FAT3: variants seen among roughly 807,000 people sequenced by gnomAD.
The protein encoded by FAT3 is FAT atypical cadherin 3.
A neutral mutation model predicts 310.2 loss-of-function variants in FAT3; 95 were observed. That is an observed-to-expected ratio of 0.31 (90% CI 0.26 to 0.36). FAT3 has a LOEUF of 0.36. Among genes scored for constraint, FAT3 ranks in the 10% least tolerant of loss-of-function variants. FAT3 has a pLI of 1.00. For missense variants in FAT3, 5,408 were observed against 5,715.6 expected, an observed-to-expected ratio of 0.95 and a Z score of 1.74; for synonymous variants, 2,314 against 2,192.9, an observed-to-expected ratio of 1.06 and a Z score of -1.54.
intron 2 of FAT3, among the ~76,000 whole-genome samples, chr11:92,405,730 G>A (rs1950123068): frequency 6.6e-6 from 1 of 152,116 alleles, no homozygotes; most frequent in African/African-American, 2.4e-5. Flanking sequence ...TAGCCTGGGT[G>A]ACAGAAGCAA....
chr11:92,781,046 A>G (rs934843906), intron 7 of FAT3, among the ~76,000 whole-genome samples: 1 of 132,482 alleles, frequency 7.5e-6, no homozygotes, highest in Non-Finnish European at 1.7e-5. Context: ...TATTTAAGTA[A>G]TAAGGTTCTT....
At chr11:92,636,754 G>A (rs1340304880) in intron 3 of FAT3, among the ~76,000 whole-genome samples, 6 of 152,326 alleles carry the variant, frequency 3.9e-5, no homozygotes, top group African/African-American at 1.4e-4. Flanking sequence ...GAGTAGTGTA[G>A]ACTATATTGC....
At chr11:92,323,377 T>G (rs1947677564) in intron 1 of FAT3, among the ~76,000 whole-genome samples, 1 of 152,074 alleles carries the variant, frequency 6.6e-6, no homozygotes, top group Admixed American at 6.6e-5. Flanking sequence ...GACTCCCAAG[T>G]AACTGGGACA....
intron 3 of FAT3, among the ~76,000 whole-genome samples, chr11:92,680,050 G>A (rs1003308679): frequency 6.6e-6 from 1 of 151,226 alleles, no homozygotes; most frequent in Non-Finnish European, 1.5e-5. Flanking sequence ...CATTCAACAA[G>A]TTGTCCATTC....
intron 3 of FAT3, among the ~76,000 whole-genome samples, chr11:92,568,479 T>C (rs543017836): frequency 6.6e-6 from 1 of 152,240 alleles, no homozygotes; most frequent in East Asian, 1.9e-4. Flanking sequence ...TCACGGGGAT[T>C]GATGCTAGCA....
chr11:92,840,574 G>T lies in FAT3; in HGVS notation c.10381G>T (p.Val3461Leu). 6.3e-7 allele frequency: 1 copy of T among 1,590,028 alleles called. No homozygotes were observed. Among genetic ancestry groups the T allele is most frequent in the Non-Finnish European group, 8.6e-7 (1 of 1,160,848 alleles). ...YTAVIQENKP[V>L]GTSILQLVVT... Reference sequence around the variant, plus strand: ...CTCTTTTATGCAGGAAAATAAGCCAGTGGGCACCAGCATCTTGCAGCTGGT... The same window carrying T: ...CTCTTTTATGCAGGAAAATAAGCCATTGGGCACCAGCATCTTGCAGCTGGT... The change falls in exon 18 of 28, where the codon GTG (valine) becomes TTG (leucine). Residue 3461 changes from valine to leucine, a missense_variant. Transcript: ENST00000525166.
At chr11:92,744,959 G>T (rs1945614887) in intron 4 of FAT3, among the ~76,000 whole-genome samples, 1 of 152,172 alleles carries the variant, frequency 6.6e-6, no homozygotes, top group African/African-American at 2.4e-5. Context: ...TTGCTGAGAG[G>T]AGAAAGCAGT....
intron 2 of FAT3, among the ~76,000 whole-genome samples, chr11:92,373,795 CACACACACACACACAG>C (rs1362008654): frequency 1.1e-4 from 12 of 109,480 alleles, no homozygotes; most frequent in Admixed American, 7.6e-4. Flanking sequence ...CACACACACA[CACACACACACACACAG>C]AGACATAGAT....
At chr11:92,847,873 T>C (rs1338900923) in intron 19 of FAT3, among the ~76,000 whole-genome samples, 1 of 152,118 alleles carries the variant, frequency 6.6e-6, no homozygotes, top group Non-Finnish European at 1.5e-5. Flanking sequence ...TTCTTGTTTA[T>C]TGGAAAGGAA....
intron 1 of FAT3, among the ~76,000 whole-genome samples, chr11:92,312,866 A>G (rs1042573547): frequency 1.3e-5 from 2 of 152,092 alleles, no homozygotes; most frequent in African/African-American, 4.8e-5. Flanking sequence ...GCTAGTTTAG[A>G]CTGGGTCTTG....
rs548654004 is a variant in FAT3 at position 92,821,905 on chromosome 11, G to A, written c.9482-9717G>A. On this transcript the variant is annotated intron_variant, in intron 13 of 27. Coordinates refer to ENST00000525166, the MANE Select transcript of FAT3 (RefSeq NM_001367949.2). ...AGGGCCATGACACTCTACGATTTCT[G>A]TGTCAGAATCCTCTGGAGAGTTTTT... 3.4e-3 allele frequency among the ~76,000 whole-genome samples: 513 copies of A among 152,244 alleles called. 2 individuals are homozygous for A. Among genetic ancestry groups the A allele is most frequent in the African/African-American group, 0.012 (478 of 41,548 alleles).
chr11:92,516,667 G>A (rs576252052), intron 2 of FAT3, among the ~76,000 whole-genome samples: 11 of 152,074 alleles, frequency 7.2e-5, no homozygotes, highest in African/African-American at 1.4e-4. Flanking sequence ...AGAAGTAAAG[G>A]ATATTCAAAT....
At chr11:92,383,342 G>T (rs1949543304) in intron 2 of FAT3, among the ~76,000 whole-genome samples, 1 of 152,126 alleles carries the variant, frequency 6.6e-6, no homozygotes, top group South Asian at 2.1e-4. Flanking sequence ...ATACTCCTTT[G>T]GGTATATACC....
At chr11:92,710,046 C>A (rs926504214) in intron 4 of FAT3, among the ~76,000 whole-genome samples, 1 of 152,152 alleles carries the variant, frequency 6.6e-6, no homozygotes, top group African/African-American at 2.4e-5. Flanking sequence ...CTAACGTATA[C>A]CTTGCTGTTA....
At chr11:92,469,539 G>A (rs574540172) in intron 2 of FAT3, among the ~76,000 whole-genome samples, 135 of 151,572 alleles carry the variant, frequency 8.9e-4, no homozygotes, top group Non-Finnish European at 1.6e-3. Flanking sequence ...TTTTGAGATG[G>A]AATCTCACCC....
At chr11:92,733,091 G>C (rs1945236210) in intron 4 of FAT3, among the ~76,000 whole-genome samples, 1 of 152,214 alleles carries the variant, frequency 6.6e-6, no homozygotes, top group Non-Finnish European at 1.5e-5. Context: ...ATGTGGAGTA[G>C]GGGAGACAGG....
At chr11:92,415,781 C>T (rs1002564870) in intron 2 of FAT3, among the ~76,000 whole-genome samples, 1 of 150,860 alleles carries the variant, frequency 6.6e-6, no homozygotes, top group Admixed American at 6.6e-5. Flanking sequence ...TCCTACCACC[C>T]CAAAGTTGAT....
intron 1 of FAT3, among the ~76,000 whole-genome samples, chr11:92,339,289 G>A (rs539909614): frequency 3.9e-5 from 6 of 152,140 alleles, no homozygotes; most frequent in Non-Finnish European, 8.8e-5. Context: ...TGTAGAGATT[G>A]CCAAATGTCC....
chr11:92,237,510 G>A (rs1864481768), intron 1 of FAT3, among the ~76,000 whole-genome samples: 1 of 152,090 alleles, frequency 6.6e-6, no homozygotes, highest in South Asian at 2.1e-4. Flanking sequence ...ACTAAATGTG[G>A]ACCCCAGTAT....
Sources: allele counts gnomAD v4.1 joint callset (sites outside exome capture counted in the v4.1 genomes callset), GRCh38; gene constraint gnomAD v4.1.1; transcripts MANE v1.5; gene names NCBI Gene and HGNC (gene_info 2026-07-23, HGNC 2026-07-21).